Variants in DCC observed in about 807,000 individuals in gnomAD.
DCC encodes netrin receptor DCC.
In DCC, 58 loss-of-function variants were observed where a neutral mutation model predicts 172.5. The ratio of observed to expected loss-of-function variants is 0.34; its 90% confidence interval spans 0.27 to 0.42. The LOEUF is 0.42. Among genes scored for constraint, DCC ranks in the 10% least tolerant of loss-of-function variants. DCC has a pLI of 1.00. For missense variants in DCC, 1,740 were observed against 1,791.0 expected (o/e 0.97, Z 0.51); for synonymous variants, 709 against 644.5 (o/e 1.10, Z -1.52).
chr18:52,868,609 A>G (rs2039266710), intron 2 of DCC, among the ~76,000 whole-genome samples: 1 of 152,200 alleles, frequency 6.6e-6, no homozygotes, highest in East Asian at 1.9e-4. Flanking sequence ...TTATAGTTAA[A>G]TAATAGTGTT....
intron 2 of DCC, among the ~76,000 whole-genome samples, chr18:52,878,134 C>T (rs1372670630): frequency 6.6e-6 from 1 of 152,150 alleles, no homozygotes; most frequent in Non-Finnish European, 1.5e-5. Flanking sequence ...TCATCTGCTT[C>T]ATCAGGCCAT....
At chr18:52,665,168 C>G (rs1029799156) in intron 1 of DCC, among the ~76,000 whole-genome samples, 2 of 152,248 alleles carry the variant, frequency 1.3e-5, no homozygotes, top group South Asian at 4.1e-4. Flanking sequence ...GAAGGTGAAG[C>G]CAGGACATTG....
intron 5 of DCC, among the ~76,000 whole-genome samples, chr18:52,950,117 C>T (rs2040612576): frequency 6.6e-6 from 1 of 152,152 alleles, no homozygotes; most frequent in African/African-American, 2.4e-5. Context: ...CTGTGATTAT[C>T]TTCCTGATAA....
intron 12 of DCC, among the ~76,000 whole-genome samples, chr18:53,290,667 A>G (rs1264991976): frequency 6.6e-6 from 1 of 152,150 alleles, no homozygotes; most frequent in East Asian, 1.9e-4. Context: ...TCTTCACAAG[A>G]TCTTATTTCC....
intron 15 of DCC, among the ~76,000 whole-genome samples, chr18:53,376,410 A>G (rs935933261): frequency 6.6e-6 from 1 of 152,202 alleles, no homozygotes; most frequent in Non-Finnish European, 1.5e-5. Flanking sequence ...ATATTTAAAA[A>G]TAAACAAACA....
chr18:52,607,426 T>G (rs1174547596), intron 1 of DCC, among the ~76,000 whole-genome samples: 2 of 152,276 alleles, frequency 1.3e-5, no homozygotes, highest in African/African-American at 4.8e-5. Context: ...TTTCAAGATC[T>G]AATTGGGCAA....
intron 7 of DCC, among the ~76,000 whole-genome samples, chr18:53,080,954 C>T (rs1204802879): frequency 2.0e-5 from 3 of 151,950 alleles, no homozygotes; most frequent in Non-Finnish European, 4.4e-5. Context: ...ATATTTTACC[C>T]AGCTTTGAGA....
At chr18:53,101,733 T>G (rs1387674767) in intron 7 of DCC, among the ~76,000 whole-genome samples, 4 of 152,072 alleles carry the variant, frequency 2.6e-5, no homozygotes, top group African/African-American at 9.7e-5. Context: ...AGTTTGTCTT[T>G]ACTAGAGATG....
In DCC at chr18:53,049,853, T is replaced by C. The variant is rs12970350; in HGVS notation, c.986-13452T>C. Among the ~76,000 whole-genome samples the C allele has an allele frequency of 5.5e-3, 840 of 152,176 alleles. 5 individuals are homozygous for C. The highest frequency in any genetic ancestry group is 0.02 in the Middle Eastern group (6 of 294). On this transcript the variant is annotated intron_variant, in intron 5 of 28. Coordinates refer to ENST00000442544, the MANE Select transcript of DCC (RefSeq NM_005215.4). ...AGACGTATATATGAAAGGGAGTTAA[T>C]TAAAAATAACTGACTCACATGATCA...
intron 22 of DCC, among the ~76,000 whole-genome samples, chr18:53,445,111 G>A (rs771381633): frequency 3.9e-5 from 6 of 152,010 alleles, no homozygotes; most frequent in Admixed American, 2.6e-4. Context: ...CCCCCATAAC[G>A]CTGATAAATA....
intron 1 of DCC, among the ~76,000 whole-genome samples, chr18:52,522,656 A>G (rs2031857145): frequency 6.6e-6 from 1 of 152,104 alleles, no homozygotes; most frequent in South Asian, 2.1e-4. Flanking sequence ...AATTTTAACC[A>G]CCCTTCAAAA....
intron 17 of DCC, among the ~76,000 whole-genome samples, chr18:53,395,922 C>T (rs567537068): frequency 1.3e-5 from 2 of 152,274 alleles, no homozygotes; most frequent in East Asian, 1.9e-4. Flanking sequence ...GGATTACAGG[C>T]GTGAGCCACA....
At position 53,020,925 on chromosome 18, in the gene DCC, A is replaced by G. The variant is rs1306602601; in HGVS notation, c.986-42380A>G. Among the ~76,000 whole-genome samples the G allele has an allele frequency of 2.0e-5, 3 of 152,320 alleles. No homozygotes were observed. In the East Asian group the frequency reaches 5.8e-4, roughly 29 times the overall value. ...ACCACCTCTAGACCAATAGAAGAAA[A>G]GCAGGTTCCAAGTTATGAAACCTGG... On this transcript the variant is annotated intron_variant, in intron 5 of 28. Coordinates refer to ENST00000442544, the MANE Select transcript of DCC (RefSeq NM_005215.4).
At chr18:53,124,007 A>G (rs1043893454) in intron 7 of DCC, among the ~76,000 whole-genome samples, 2 of 152,064 alleles carry the variant, frequency 1.3e-5, no homozygotes, top group African/African-American at 2.4e-5. Context: ...TGCACAGGTA[A>G]CTGAAGCTTC....
At chr18:52,610,293 T>C (rs1203071424) in intron 1 of DCC, among the ~76,000 whole-genome samples, 10 of 116,440 alleles carry the variant, frequency 8.6e-5, no homozygotes, top group African/African-American at 3.4e-4. Context: ...GGCAGGAAAA[T>C]TGCTTGAACC....
chr18:53,288,462 A>G (rs1470640608), intron 12 of DCC, among the ~76,000 whole-genome samples: 1 of 152,154 alleles, frequency 6.6e-6, no homozygotes, highest in Non-Finnish European at 1.5e-5. Flanking sequence ...CATTGCTTGA[A>G]ATAAAAATCT....
chr18:53,061,173 A>C (rs1382431919), intron 5 of DCC, among the ~76,000 whole-genome samples: 1 of 152,154 alleles, frequency 6.6e-6, no homozygotes, highest in Non-Finnish European at 1.5e-5. Flanking sequence ...AGGCACTCGC[A>C]GTGAGAGAAG....
chr18:53,528,132 A>ATACT, intron 28 of DCC, among the ~76,000 whole-genome samples: 2 of 152,284 alleles, frequency 1.3e-5, no homozygotes, highest in East Asian at 3.9e-4. Context: ...TATAAAAATT[A>ATACT]TACTTTCTTT....
intron 1 of DCC, among the ~76,000 whole-genome samples, chr18:52,367,602 G>A (rs1984936722): frequency 6.6e-6 from 1 of 152,188 alleles, no homozygotes; most frequent in South Asian, 2.1e-4. Context: ...TCTCGGCAGA[G>A]CCAATCTTCT....
Sources: allele counts gnomAD v4.1 joint callset (sites outside exome capture counted in the v4.1 genomes callset), GRCh38; gene constraint gnomAD v4.1.1; transcripts MANE v1.5; gene names NCBI Gene and HGNC (gene_info 2026-07-23, HGNC 2026-07-21).